The following MACF1 variants were observed in gnomAD, a reference collection of about 807,000 sequenced individuals.
MACF1 encodes microtubule-actin cross-linking factor 1.
MACF1 carries 193 observed loss-of-function variants against 854.8 expected under a neutral mutation model. The observed-to-expected ratio is 0.23, with a 90% CI of 0.20 to 0.25. MACF1 has a LOEUF of 0.25. Ranked by LOEUF, MACF1 falls within the 10% of genes least tolerant of loss-of-function variation. The probability of loss-of-function intolerance (pLI) is 1.00; values close to 1 mark genes in which losing one functional copy is unlikely to be tolerated. For synonymous variants in MACF1, 3,185 were observed against 3,226.7 expected, an observed-to-expected ratio of 0.99 and a Z score of 0.44; for missense variants, 7,722 against 8,929.1, an observed-to-expected ratio of 0.86 and a Z score of 5.45.
intron 6 of MACF1, among the ~76,000 whole-genome samples, chr1:39,262,533 A>C (rs567285121): frequency 3.3e-5 from 5 of 152,110 alleles, no homozygotes; most frequent in Admixed American, 2.0e-4. Context: ...AGAGGTTTAG[A>C]GAATGAGAGA....
chr1:39,278,083 TGTTGAG>T (rs1645471312), intron 6 of MACF1, among the ~76,000 whole-genome samples: 1 of 152,364 alleles, frequency 6.6e-6, no homozygotes, highest in South Asian at 2.1e-4. Flanking sequence ...TCAGGCATAC[TGTTGAG>T]GCTGTTCTCC....
At chr1:39,268,557 A>T (rs1009092780) in intron 6 of MACF1, 1 of 1,160,122 alleles carries the variant, frequency 8.6e-7, no homozygotes, top group Non-Finnish European at 1.1e-6. Context: ...GCGGGGAGGG[A>T]GGGAGAAAGA....
chr1:39,458,202 G>A, intron 89 of MACF1, 168 bp from the exon 90 acceptor site: 2 of 592,110 alleles, frequency 3.4e-6, no homozygotes, highest in East Asian at 2.8e-5. Context: ...GATTTGGAGG[G>A]GACAAATATC....
chr1:39,291,717 G>A (rs1645794118), intron 15 of MACF1, among the ~76,000 whole-genome samples, 193 bp from the exon 16 acceptor site: 1 of 152,120 alleles, frequency 6.6e-6, no homozygotes, highest in Admixed American at 6.6e-5. Flanking sequence ...TAATTGGTGG[G>A]CTCTGTTCTC....
chr1:39,435,975 G>C (rs1182375222), intron 70 of MACF1: 1 of 538,264 alleles, frequency 1.9e-6, no homozygotes, highest in Non-Finnish European at 3.3e-6. Context: ...GTCTTGGCTG[G>C]TATATATTGT....
chr1:39,458,357 T>A lies in MACF1; in HGVS notation c.21076-13T>A. ...AATATTTAACTCTTTTTCCTATTTT[T>A]TGTGTTTAACAGACATTTATGGAGG... On this transcript the variant is annotated splice_polypyrimidine_tract_variant and intron_variant, in intron 89 of 100. Transcript: ENST00000564288. 1 of 1,611,054 alleles carries A rather than the reference T, an allele frequency of 6.2e-7. No homozygotes were observed. The highest frequency in any genetic ancestry group is 8.5e-7 in the Non-Finnish European group (1 of 1,179,030).
chr1:39,424,158 G>A lies in MACF1; in HGVS notation c.16280G>A (p.Ser5427Asn), dbSNP rs746607938. 4.4e-5 allele frequency: 71 copies of A among 1,613,610 alleles called. No homozygotes were observed. The highest frequency in any genetic ancestry group is 8.5e-7 in the Non-Finnish European group (1 of 1,179,950). Reference sequence around the variant, plus strand: ...ACTGGACAGCTGGAGAGTCTTGAAAGTAGATGGACTGAACTACTCAGTAAG... The same window carrying A: ...ACTGGACAGCTGGAGAGTCTTGAAAATAGATGGACTGAACTACTCAGTAAG... ...KITGQLESLE[S>N]RWTELLSKAA... The change falls in exon 61 of 101, where the codon AGT (serine) becomes AAT (asparagine). Residue 5427 changes from serine to asparagine, a missense_variant. Transcript: ENST00000564288.
chr1:39,440,537 C>T (rs1020768309), intron 72 of MACF1, among the ~76,000 whole-genome samples: 5 of 152,070 alleles, frequency 3.3e-5, no homozygotes, highest in Admixed American at 3.3e-4. Context: ...GAAATTCTTT[C>T]CCTCCCCACC....
At chr1:39,381,742 A>G (rs1650240973) in intron 55 of MACF1, among the ~76,000 whole-genome samples, 1 of 152,026 alleles carries the variant, frequency 6.6e-6, no homozygotes, top group Non-Finnish European at 1.5e-5. Flanking sequence ...AGGTGGGAGG[A>G]TCACTTGGGC....
In MACF1 at chr1:39,430,671, G is replaced by A. The variant is rs371457494; in HGVS notation, c.17131-31G>A. The A allele has an allele frequency of 1.9e-6, 3 of 1,572,578 alleles. No individual in the cohort carries two copies. The African/African-American group carries it at 4.0e-5, about 21-fold the overall frequency. On this transcript the variant is annotated intron_variant, in intron 65 of 100. Transcript: ENST00000564288. ...TTGCTGATGTGCTTTATTTAGCAAG[G>A]TATGGCCTGAAAACTCTTTTCCCTC...
chr1:39,114,295 G>A (rs755743472), intron 2 of MACF1, among the ~76,000 whole-genome samples: 4 of 151,204 alleles, frequency 2.6e-5, no homozygotes, highest in East Asian at 1.9e-4. Context: ...GCTAGGATTC[G>A]GCACTTTCAA....
rs1241619176 is a variant in MACF1 at position 39,340,511 on chromosome 1, A to G, written c.10225A>G (p.Arg3409Gly). 1.9e-6 allele frequency: 3 copies of G among 1,611,608 alleles called. No individual in the cohort carries two copies. The highest frequency in any genetic ancestry group is 2.5e-6 in the Non-Finnish European group (3 of 1,178,728). ...CACTTTATTCCCTCAGGTATTAGAAAGGGAGTTAAAGGATCTGACCACCTT... is the reference window on the plus strand; with the variant it reads ...CACTTTATTCCCTCAGGTATTAGAAGGGGAGTTAAAGGATCTGACCACCTT... ...DLLCQAKVLE[R>G]ELKDLTTLVS... is the part of the protein sequence containing the mutation. Residue 3409 changes from arginine to glycine, a missense_variant, in exon 39 of 101, where the codon AGG (arginine) becomes GGG (glycine). Transcript: ENST00000564288.
chr1:39,128,696 C>T (rs1349173481), intron 2 of MACF1, among the ~76,000 whole-genome samples: 2 of 150,422 alleles, frequency 1.3e-5, no homozygotes, highest in Non-Finnish European at 3.0e-5. Flanking sequence ...GAGACTCCGT[C>T]TCAAAAAAAA....
chr1:39,228,494 G>A (rs1235520746), intron 1 of MACF1, among the ~76,000 whole-genome samples: 1 of 152,184 alleles, frequency 6.6e-6, no homozygotes, highest in Non-Finnish European at 1.5e-5. Context: ...GATGACACGG[G>A]CTTGGAAAGG....
chr1:39,382,370 A>G (rs370433003), intron 56 of MACF1, among the ~76,000 whole-genome samples: 19 of 152,208 alleles, frequency 1.2e-4, no homozygotes, highest in Middle Eastern at 3.4e-3. Flanking sequence ...AGATGAGTAG[A>G]TATGAGAATG....
intron 6 of MACF1, among the ~76,000 whole-genome samples, chr1:39,266,937 A>C (rs548035817): frequency 6.6e-6 from 1 of 152,300 alleles, no homozygotes; most frequent in South Asian, 2.1e-4. Flanking sequence ...ATGGGAGTAA[A>C]AACCACCTGA....
intron 35 of MACF1, among the ~76,000 whole-genome samples, chr1:39,326,586 C>T (rs908856648): frequency 6.8e-6 from 1 of 147,116 alleles, no homozygotes; most frequent in Non-Finnish European, 1.5e-5. Flanking sequence ...GAGGCTGAGG[C>T]AGGAGAATCA....
At chr1:39,442,933 G>A (rs1198593442) in intron 78 of MACF1, 22 bp downstream of exon 78, 3 of 1,605,134 alleles carry the variant, frequency 1.9e-6, no homozygotes, top group Non-Finnish European at 1.7e-6. Flanking sequence ...ATCCAAGTAA[G>A]GTAGGAAGAG....
At chr1:39,206,141 A>G (rs16825953) in intron 1 of MACF1, among the ~76,000 whole-genome samples, 4,715 of 152,298 alleles carry the variant, frequency 0.031, 235 homozygotes, top group African/African-American at 0.11. Context: ...ATTAGATTCA[A>G]TCATTCCCCA....
Sources: gnomAD v4.1 joint callset for allele counts (sites outside exome capture counted in the v4.1 genomes callset) on GRCh38, gnomAD v4.1.1 for gene constraint, MANE v1.5 for transcripts, NCBI Gene and HGNC (gene_info 2026-07-23, HGNC 2026-07-21) for gene names.